The following SMAD6 variants were observed in gnomAD, a reference collection of about 807,000 sequenced individuals.
SMAD6 encodes the protein SMAD family member 6.
In SMAD6, 103 loss-of-function variants were observed where a neutral mutation model predicts 39.4. That is an observed-to-expected ratio of 2.62 (90% CI 2.23 to 3.08). SMAD6 has a LOEUF of 3.08. SMAD6 is among the 30% of genes most tolerant of loss of function. The pLI is 0.00. For synonymous variants in SMAD6, 445 were observed against 353.3 expected, an observed-to-expected ratio of 1.26 and a Z score of -2.91; for missense variants, 1,104 against 742.9, an observed-to-expected ratio of 1.49 and a Z score of -5.65.
Position 66,781,688 on chromosome 15 carries a change from G to A in SMAD6, c.*153G>A, listed in dbSNP as rs993911800. On this transcript the variant is annotated 3_prime_UTR_variant, in exon 4 of 4. Coordinates refer to ENST00000288840, the MANE Select transcript of SMAD6 (RefSeq NM_005585.5). ...TAATATAAAGTTTTATATATTATATGGAAATATATATTATACTTGTAATTA... is the reference window on the plus strand; with the variant it reads ...TAATATAAAGTTTTATATATTATATAGAAATATATATTATACTTGTAATTA... The A allele has an allele frequency of 6.6e-6, 3 of 452,010 alleles. No individual in the cohort carries two copies. The highest frequency in any genetic ancestry group is 1.2e-5 in the Non-Finnish European group (3 of 260,618). The allele number at this position is 452,010 out of a possible 1,614,324, so 28.0% of individuals were successfully genotyped here. A position where few individuals can be genotyped will look rare whatever the true frequency, so the allele number is the denominator to read the frequency against.
chr15:66,717,230 A>C, intron 3 of SMAD6: 3 of 937,698 alleles, frequency 3.2e-6, no homozygotes, highest in Non-Finnish European at 4.5e-6. Context: ...GCCTGGTGGC[A>C]TGCTGGCTGG....
chr15:66,709,176 A>G (rs978171329), intron 1 of SMAD6, among the ~76,000 whole-genome samples: 1 of 152,222 alleles, frequency 6.6e-6, no homozygotes, highest in Non-Finnish European at 1.5e-5. Flanking sequence ...AGTTGCCTAC[A>G]ATGGAATTTA....
intron 3 of SMAD6, among the ~76,000 whole-genome samples, chr15:66,727,215 C>T (rs1043436017): frequency 1.4e-4 from 22 of 151,906 alleles, no homozygotes; most frequent in Admixed American, 1.4e-3. Flanking sequence ...TGATTCTCCT[C>T]TCTCAGCCTC....
chr15:66,748,254 AG>A (rs1373027214), intron 3 of SMAD6, among the ~76,000 whole-genome samples: 2 of 151,038 alleles, frequency 1.3e-5, no homozygotes, highest in African/African-American at 4.9e-5. Context: ...AAGAGTGGTT[AG>A]GCAAAAAAAT....
rs1002260847 is a variant in SMAD6, at chr15:66,702,549, C to G, written c.-710C>G. Reference sequence around the variant, plus strand: ...TTTTAATTAAGGATTCCCAGCAGCTCTTTGGGATTTTTACAGCTTCCACTC... The same window carrying G: ...TTTTAATTAAGGATTCCCAGCAGCTGTTTGGGATTTTTACAGCTTCCACTC... On this transcript the variant is annotated 5_prime_UTR_variant, in exon 1 of 4. Transcript: ENST00000288840. 2 of 152,600 alleles carry G rather than the reference C, an allele frequency of 1.3e-5. No individual in the cohort carries two copies. The highest frequency in any genetic ancestry group is 4.8e-5 in the African/African-American group (2 of 41,428). 9.5% of individuals were successfully genotyped at this position (152,600 alleles called of 1,614,324 possible).
chr15:66,781,833 C>A lies in SMAD6; in HGVS notation c.*298C>A, dbSNP rs1595805863. ...ATACAGATATATTTTCTTTCTCTTC[C>A]TCCTTCCTCTTCCTTACTTTTTATA... On this transcript the variant is annotated 3_prime_UTR_variant, in exon 4 of 4. Transcript: ENST00000288840. The A allele has an allele frequency of 2.5e-6, 1 of 398,584 alleles. No individual in the cohort carries two copies. The highest frequency in any genetic ancestry group is 2.1e-5 in the African/African-American group (1 of 48,526). 24.7% of individuals were successfully genotyped at this position (398,584 alleles called of 1,614,324 possible).
At chr15:66,756,945 G>C (rs1275590095) in intron 3 of SMAD6, among the ~76,000 whole-genome samples, 1 of 152,194 alleles carries the variant, frequency 6.6e-6, no homozygotes, top group Non-Finnish European at 1.5e-5. Flanking sequence ...TATGTTGGGA[G>C]GGAAGTTCTG....
chr15:66,712,166 A>G (rs1893244789), intron 2 of SMAD6, among the ~76,000 whole-genome samples: 1 of 152,094 alleles, frequency 6.6e-6, no homozygotes, highest in African/African-American at 2.4e-5. Context: ...GGAGCTGTAC[A>G]TTTTCCCCCT....
At chr15:66,755,831 C>T (rs544635895) in intron 3 of SMAD6, among the ~76,000 whole-genome samples, 4 of 152,104 alleles carry the variant, frequency 2.6e-5, no homozygotes, top group African/African-American at 7.2e-5. Flanking sequence ...GCTCAGGGAG[C>T]GAGGAGCCTG....
At chr15:66,738,353 A>T (rs564723977) in intron 3 of SMAD6, among the ~76,000 whole-genome samples, 1 of 152,306 alleles carries the variant, frequency 6.6e-6, no homozygotes, top group African/African-American at 2.4e-5. Flanking sequence ...CTTAGCTCCG[A>T]ACAGGACACT....
rs1894579625 is a variant in SMAD6, at chr15:66,781,569, C to T, written c.*34C>T. 5 of 1,443,916 alleles carry T rather than the reference C, an allele frequency of 3.5e-6. No homozygotes were observed. The Admixed American group carries it at 8.1e-5, about 24-fold the overall frequency. 89.4% of individuals were successfully genotyped at this position (1,443,916 alleles called of 1,614,324 possible). ...CCGGCGGGAGGGGCGGGTGGGAGGC[C>T]GCGGCCACCGCCACCTGCCGGCCTC... On this transcript the variant is annotated 3_prime_UTR_variant, in exon 4 of 4. Transcript: ENST00000288840.
chr15:66,703,852 C>A lies in SMAD6; in HGVS notation c.594C>A (p.Arg198=). 1 of 1,353,880 alleles carries A rather than the reference C, an allele frequency of 7.4e-7. No individual in the cohort carries two copies. Among genetic ancestry groups the A allele is most frequent in the Non-Finnish European group, 9.6e-7 (1 of 1,041,836 alleles). 83.9% of individuals were successfully genotyped at this position (1,353,880 alleles called of 1,614,324 possible). The change falls in exon 1 of 4, where the codon CGC becomes CGA. Residue 198 remains arginine, a synonymous_variant. Coordinates refer to ENST00000288840, the MANE Select transcript of SMAD6 (RefSeq NM_005585.5). The part of the protein sequence containing the change: ...LDTLLEAVES[R]GGVPGGCVLV... ...CGCTGCTGGAGGCGGTGGAGTCCCG[C>A]GGCGGCGTGCCGGGCGGCTGCGTGC...
intron 3 of SMAD6, among the ~76,000 whole-genome samples, chr15:66,718,321 C>T (rs1893370989): frequency 6.6e-6 from 1 of 152,136 alleles, no homozygotes; most frequent in Non-Finnish European, 1.5e-5. Context: ...CAGGAGATCC[C>T]AAGGCCATTA....
intron 3 of SMAD6, among the ~76,000 whole-genome samples, chr15:66,744,599 A>G (rs1893875625): frequency 6.6e-6 from 1 of 152,266 alleles, no homozygotes; most frequent in Admixed American, 6.5e-5. Flanking sequence ...GCTGATTGTG[A>G]ACTCCTTAAA....
chr15:66,703,319 G>C lies in SMAD6; in HGVS notation c.61G>C (p.Asp21His). 2.7e-6 allele frequency: 4 copies of C among 1,487,520 alleles called. No individual in the cohort carries two copies. The highest frequency in any genetic ancestry group is 2.7e-6 in the Non-Finnish European group (3 of 1,117,664). The allele number at this position is 1,487,520 out of a possible 1,614,324, so 92.1% of individuals were successfully genotyped here. Residue 21 changes from aspartate to histidine, a missense_variant, in exon 1 of 4, where the codon GAC becomes CAC. Coordinates refer to ENST00000288840, the MANE Select transcript of SMAD6 (RefSeq NM_005585.5). ...RRLWRSRVVPDREEGGSGGGG... is the reference protein window; with the variant it reads ...RRLWRSRVVPHREEGGSGGGG... ...ACTTTGGCGAAGTCGTGTGGTCCCC[G>C]ACCGGGAGGAAGGCGGCAGCGGCGG...
In SMAD6 at chr15:66,777,533, C is replaced by G. The variant is rs184677898; in HGVS notation, c.953-3464C>G. ...GGCATGATGATGTACATCGCAGTCC[C>G]AGCTATTCAGGAAGCTAAGACAGGA... On this transcript the variant is annotated intron_variant, in intron 3 of 3. Coordinates refer to ENST00000288840, the MANE Select transcript of SMAD6 (RefSeq NM_005585.5). 8.5e-5 allele frequency among the ~76,000 whole-genome samples: 13 copies of G among 152,288 alleles called. No homozygotes were observed. In the East Asian group the frequency reaches 9.6e-4, roughly 11 times the overall value.
Position 66,781,525 on chromosome 15 carries a change from A to AC in SMAD6, c.1485dup (p.Arg496GlnfsTer69). 1 of 877,036 alleles carries AC rather than the reference A, an allele frequency of 1.1e-6. No individual in the cohort carries two copies. Among genetic ancestry groups the AC allele is most frequent in the Non-Finnish European group, 1.7e-6 (1 of 602,116 alleles). 54.3% of individuals were successfully genotyped at this position (877,036 alleles called of 1,614,324 possible). A position where few individuals can be genotyped will look rare whatever the true frequency, so the allele number is the denominator to read the frequency against. ...TGCTGGCTGGAGATCCTCCTCAACA[A>AC]CCCCAGATAGTGGCGGCCCCGGCGG... is the stretch of plus-strand genomic sequence containing the variant. On this transcript the variant is annotated frameshift_variant, in exon 4 of 4. Coordinates refer to ENST00000288840, the MANE Select transcript of SMAD6 (RefSeq NM_005585.5). LOFTEE classifies it high-confidence loss of function.
intron 1 of SMAD6, among the ~76,000 whole-genome samples, chr15:66,711,264 T>C (rs1201034696): frequency 6.6e-6 from 1 of 152,198 alleles, no homozygotes; most frequent in Non-Finnish European, 1.5e-5. Context: ...TGCACTCACG[T>C]TTCTCTTGTT....
chr15:66,778,078 T>C (rs1313763703), intron 3 of SMAD6, among the ~76,000 whole-genome samples: 1 of 147,424 alleles, frequency 6.8e-6, no homozygotes, highest in East Asian at 2.0e-4. Flanking sequence ...AACTTTCTTT[T>C]CTTTTCCTTT....
Sources: allele counts gnomAD v4.1 joint callset (sites outside exome capture counted in the v4.1 genomes callset), GRCh38; gene constraint gnomAD v4.1.1; transcripts MANE v1.5; gene names NCBI Gene and HGNC (gene_info 2026-07-23, HGNC 2026-07-21).